The following METTL14 variants were observed in gnomAD, a reference collection of about 807,000 sequenced individuals.
The protein encoded by METTL14 is methyltransferase 14, N6-adenosine-methyltransferase non-catalytic subunit.
Under a neutral mutation model 62.4 loss-of-function variants are expected in METTL14, and 32 were observed. The ratio of observed to expected loss-of-function variants is 0.51; its 90% confidence interval spans 0.39 to 0.69. The LOEUF (loss-of-function observed/expected upper bound fraction) is 0.69, where lower values mean the gene tolerates loss of function less well. METTL14 is among the 30% of genes least tolerant of loss of function. The probability of loss-of-function intolerance (pLI) is 0.00; values close to 1 mark genes in which losing one functional copy is unlikely to be tolerated. For synonymous variants in METTL14, 150 were observed against 180.0 expected (o/e 0.83, Z 1.34); for missense variants, 340 against 551.9 (o/e 0.62, Z 3.85).
At chr4:118,685,714 C>A in intron 1 of METTL14, 114 bp downstream of exon 1, 1 of 848,170 alleles carries the variant, frequency 1.2e-6, no homozygotes. Flanking sequence ...CTGTTAAGGC[C>A]TTTCTGGTCC....
chr4:118,689,370 G>T lies in METTL14; in HGVS notation c.156G>T (p.Arg52Ser). ...GGTAATATTTCTGTTTATTTTTCAG[G>T]GCTTCCTATGATACCTCTGCTCCAA... Reference protein sequence around the residue: ...REIAETRETCRASYDTSAPNA... With the variant: ...REIAETRETCSASYDTSAPNA... Residue 52 changes from arginine to serine, a missense_variant and splice_region_variant, in exon 3 of 11, where the codon AGG (arginine) becomes AGT (serine). This residue lies in a region of METTL14 where 111 missense variants were observed against 116.6 expected (regional missense o/e 0.95). Coordinates refer to ENST00000388822, the MANE Select transcript of METTL14 (RefSeq NM_020961.4). 1 of 1,567,148 alleles carries T rather than the reference G, an allele frequency of 6.4e-7. No homozygotes were observed. The highest frequency in any genetic ancestry group is 8.7e-7 in the Non-Finnish European group (1 of 1,152,036).
intron 1 of METTL14, among the ~76,000 whole-genome samples, chr4:118,686,251 G>C (rs920366948): frequency 6.6e-6 from 1 of 152,214 alleles, no homozygotes; most frequent in Non-Finnish European, 1.5e-5. Context: ...CTGGGAAATA[G>C]AACCTAGGTT....
At chr4:118,685,700 G>A in intron 1 of METTL14, 100 bp downstream of exon 1, 5 of 1,031,520 alleles carry the variant, frequency 4.8e-6, no homozygotes, top group Admixed American at 2.0e-5. Context: ...TTCTCTACCT[G>A]CCGCTGTTAA....
In METTL14 at chr4:118,706,711, TC is replaced by T. The variant is rs553053148; in HGVS notation, c.1066+892del. On this transcript the variant is annotated intron_variant, in intron 10 of 10. Coordinates refer to ENST00000388822, the MANE Select transcript of METTL14 (RefSeq NM_020961.4). ...TTACATTTCCACCGGCAGTGAGAGT[TC>T]CTGTTGCTCTGCATCCTCACCAGCA... Among the ~76,000 whole-genome samples, 109 of 152,324 alleles carry T rather than the reference TC, an allele frequency of 7.2e-4. 1 individual carries two copies. The highest frequency in any genetic ancestry group is 2.6e-3 in the African/African-American group (107 of 41,578).
At chr4:118,692,216 C>CT (rs1724270176) in intron 5 of METTL14, 148 bp downstream of exon 5, 1 of 492,844 alleles carries the variant, frequency 2.0e-6, no homozygotes, top group South Asian at 3.0e-5. Flanking sequence ...CCTTCTTTTT[C>CT]TTTTCTTTTC....
chr4:118,692,231 T>C (rs931499870), intron 5 of METTL14, among the ~76,000 whole-genome samples, 163 bp downstream of exon 5: 5 of 150,190 alleles, frequency 3.3e-5, no homozygotes, highest in Non-Finnish European at 5.9e-5. Flanking sequence ...CTTTTCTTTT[T>C]TTTTTTTTTT....
intron 10 of METTL14, among the ~76,000 whole-genome samples, chr4:118,706,744 G>T (rs35522890): frequency 0.29 from 43,691 of 152,170 alleles, 7,185 homozygotes; most frequent in Non-Finnish European, 0.37. Flanking sequence ...AGCATTTGGT[G>T]TTGTCAGTGT....
intron 1 of METTL14, among the ~76,000 whole-genome samples, chr4:118,687,526 A>T (rs1480202423): frequency 6.6e-6 from 1 of 152,196 alleles, no homozygotes; most frequent in Non-Finnish European, 1.5e-5. Context: ...CTGCTCATTG[A>T]CTTACGGTGG....
chr4:118,713,509 A>G lies in METTL14; in HGVS notation c.*3207A>G, dbSNP rs1724982007. The G allele has an allele frequency of 6.6e-6, 1 of 150,620 alleles. No homozygotes were observed. Among genetic ancestry groups the G allele is most frequent in the African/African-American group, 2.5e-5 (1 of 39,974 alleles). The allele number at this position is 150,620 out of a possible 1,614,324, so 9.3% of individuals were successfully genotyped here. On this transcript the variant is annotated 3_prime_UTR_variant, in exon 11 of 11. Coordinates refer to ENST00000388822, the MANE Select transcript of METTL14 (RefSeq NM_020961.4). ...AGACTTTACTAATTTGTTTAATATA[A>G]TCCTTATTAACATGACAAAATGAAA...
chr4:118,706,890 G>A (rs1428639659), intron 10 of METTL14, among the ~76,000 whole-genome samples: 2 of 152,078 alleles, frequency 1.3e-5, no homozygotes, highest in Non-Finnish European at 2.9e-5. Context: ...TTGGTGAGAT[G>A]TCTTTTAAGG....
At chr4:118,692,149 A>G in intron 5 of METTL14, 81 bp downstream of exon 5, 1 of 839,264 alleles carries the variant, frequency 1.2e-6, no homozygotes, top group Non-Finnish European at 1.9e-6. Flanking sequence ...GGATATTTCT[A>G]ACAAAATTAT....
intron 8 of METTL14, 135 bp downstream of exon 8, chr4:118,700,777 A>G (rs1031952618): frequency 2.7e-5 from 16 of 586,386 alleles, no homozygotes; most frequent in Non-Finnish European, 3.4e-5. Context: ...GTGAGAAAAA[A>G]AAAATGTCCA....
intron 3 of METTL14, among the ~76,000 whole-genome samples, chr4:118,689,846 G>T (rs1579065433): frequency 6.6e-6 from 1 of 151,492 alleles, no homozygotes; most frequent in East Asian, 1.9e-4. Flanking sequence ...CACCATGTTG[G>T]CCAGGATGGT....
chr4:118,703,707 T>C (rs1724674157), intron 8 of METTL14, among the ~76,000 whole-genome samples: 1 of 152,208 alleles, frequency 6.6e-6, no homozygotes, highest in South Asian at 2.1e-4. Flanking sequence ...TATTTAACTA[T>C]ATATATGACA....
intron 3 of METTL14, among the ~76,000 whole-genome samples, chr4:118,691,257 A>T (rs867261889): frequency 1.3e-5 from 2 of 152,170 alleles, no homozygotes; most frequent in Admixed American, 6.5e-5. Context: ...AGACTCTAAC[A>T]CTTATAGTAT....
chr4:118,709,974 T>C (rs1724869867), intron 10 of METTL14, 24 bp from the exon 11 acceptor site: 1 of 1,563,264 alleles, frequency 6.4e-7, no homozygotes, highest in Admixed American at 2.0e-5. Flanking sequence ...ATAAAAAGTA[T>C]AATCTTTTTT....
chr4:118,704,702 G>A (rs1042245052), intron 9 of METTL14, among the ~76,000 whole-genome samples: 2 of 152,022 alleles, frequency 1.3e-5, no homozygotes, highest in Non-Finnish European at 2.9e-5. Context: ...GCCCCATGCC[G>A]CATACTTTTC....
intron 3 of METTL14, among the ~76,000 whole-genome samples, chr4:118,690,994 G>A (rs1373879853): frequency 6.6e-6 from 1 of 152,008 alleles, no homozygotes; most frequent in Non-Finnish European, 1.5e-5. Flanking sequence ...ATAGAGATAA[G>A]AATGTATAGT....
intron 1 of METTL14, chr4:118,686,597 TC>T: frequency 2.2e-6 from 1 of 456,222 alleles, no homozygotes; most frequent in Non-Finnish European, 4.4e-6. Context: ...TCAGATTTGT[TC>T]CTTTGTTCCT....
Sources: allele counts gnomAD v4.1 joint callset (sites outside exome capture counted in the v4.1 genomes callset), GRCh38; gene constraint gnomAD v4.1.1; regional missense constraint gnomAD v4.1.1; transcripts MANE v1.5; gene names NCBI Gene and HGNC (gene_info 2026-07-23, HGNC 2026-07-21).